Variants in ST7 observed in about 807,000 individuals in gnomAD.
The protein encoded by ST7 is suppression of tumorigenicity 7.
Under a neutral mutation model 78.7 loss-of-function variants are expected in ST7, and 28 were observed. The ratio of observed to expected loss-of-function variants is 0.36; its 90% CI spans 0.26 to 0.49. The LOEUF is 0.49. Ranked by LOEUF, ST7 falls within the 20% of genes least tolerant of loss-of-function variation. The pLI is 0.99. For missense variants in ST7, 418 were observed against 696.0 expected, an observed-to-expected ratio of 0.60 and a Z score of 4.49; for synonymous variants, 247 against 249.6, an observed-to-expected ratio of 0.99 and a Z score of 0.10.
chr7:117,029,890 G>A (rs1354686753), intron 1 of ST7, among the ~76,000 whole-genome samples: 1 of 151,906 alleles, frequency 6.6e-6, no homozygotes, highest in Non-Finnish European at 1.5e-5. Flanking sequence ...TTATTCTAGG[G>A]ATCTGTATAT....
chr7:117,213,942 C>T (rs1044486423), intron 13 of ST7, among the ~76,000 whole-genome samples: 2 of 152,150 alleles, frequency 1.3e-5, no homozygotes, highest in African/African-American at 2.4e-5. Context: ...CGAAGGGTCT[C>T]GTTTGAACTG....
chr7:117,083,703 T>C (rs1799946154), intron 1 of ST7, among the ~76,000 whole-genome samples: 1 of 152,234 alleles, frequency 6.6e-6, no homozygotes, highest in Non-Finnish European at 1.5e-5. Context: ...TATATGATTA[T>C]ATAGCATGAC....
intron 9 of ST7, among the ~76,000 whole-genome samples, chr7:117,152,859 T>G (rs570961257): frequency 7.9e-4 from 120 of 152,296 alleles, no homozygotes; most frequent in African/African-American, 2.7e-3. Flanking sequence ...TGCTTCAGAG[T>G]ACAACACATG....
intron 1 of ST7, among the ~76,000 whole-genome samples, chr7:117,019,018 T>TAATG (rs1399192513): frequency 6.6e-6 from 1 of 152,212 alleles, no homozygotes; most frequent in East Asian, 1.9e-4. Flanking sequence ...GAAAAAGTAC[T>TAATG]AATGATATTT....
At chr7:117,033,440 T>G (rs1178157353) in intron 1 of ST7, among the ~76,000 whole-genome samples, 2 of 152,044 alleles carry the variant, frequency 1.3e-5, no homozygotes, top group Admixed American at 6.5e-5. Flanking sequence ...TTTTTCTTTT[T>G]GGAGACAGAG....
rs575479960 is a variant in ST7, at chr7:117,048,444, T to C, written c.152-51318T>C. Among the ~76,000 whole-genome samples the C allele has an allele frequency of 3.3e-5, 5 of 152,362 alleles. No individual in the cohort carries two copies. In the South Asian group the frequency reaches 1.0e-3, roughly 32 times the overall value. On this transcript the variant is annotated intron_variant, in intron 1 of 15. Coordinates refer to ENST00000323984, the MANE Select transcript of ST7 (RefSeq NM_001369598.1). ...TCTGGTAGATTATCTAATGTCAGTT[T>C]GTTTTCTGGCATTTTTATGTCTTCT...
chr7:117,097,908 A>ATATATTTTTT lies in ST7; in HGVS notation c.152-1853_152-1852insATATTTTTTT. Among the ~76,000 whole-genome samples, 74 of 30,006 alleles carry ATATATTTTTT rather than the reference A, an allele frequency of 2.5e-3. 1 individual carries two copies. The highest frequency in any genetic ancestry group is 0.011 in the African/African-American group (71 of 6,260). 19.7% of individuals were successfully genotyped at this position (30,006 alleles called of 152,430 possible). On this transcript the variant is annotated intron_variant, in intron 1 of 15. Transcript: ENST00000323984. ...TATATATATATATATATATATATAT[A>ATATATTTTTT]TTTTTTTTTTTTTTTTTTTTGATGG... is the stretch of plus-strand genomic sequence containing the variant.
At position 117,170,847 on chromosome 7, in the gene ST7, T is replaced by C; in HGVS notation, c.964-15T>C. On this transcript the variant is annotated splice_polypyrimidine_tract_variant and intron_variant, in intron 9 of 15. Transcript: ENST00000323984. ...ACATAATATACTAATTATTCCTTGG[T>C]TTCTTCTGCCCTAGTTAATGAAGGA... The C allele has an allele frequency of 7.0e-7, 1 of 1,434,628 alleles. No homozygotes were observed. Among genetic ancestry groups the C allele is most frequent in the Non-Finnish European group, 9.6e-7 (1 of 1,046,250 alleles). The allele number at this position is 1,434,628 out of a possible 1,614,324, so 88.9% of individuals were successfully genotyped here.
At chr7:117,220,674 C>G (rs888432318) in intron 14 of ST7, among the ~76,000 whole-genome samples, 4 of 152,150 alleles carry the variant, frequency 2.6e-5, no homozygotes, top group African/African-American at 7.2e-5. Context: ...CCTCCAAAAT[C>G]TTTTTTGGTT....
intron 1 of ST7, among the ~76,000 whole-genome samples, chr7:117,079,099 A>G (rs1179771327): frequency 6.6e-6 from 1 of 152,214 alleles, no homozygotes; most frequent in Non-Finnish European, 1.5e-5. Context: ...AAAAAAATGC[A>G]TGGTTGCGTC....
chr7:117,154,470 T>G (rs1223343327), intron 9 of ST7, among the ~76,000 whole-genome samples: 2 of 152,184 alleles, frequency 1.3e-5, no homozygotes, highest in Non-Finnish European at 2.9e-5. Context: ...TGGATCTGGA[T>G]GCAGGTGGGG....
At chr7:117,059,904 T>C (rs1798262909) in intron 1 of ST7, among the ~76,000 whole-genome samples, 1 of 151,362 alleles carries the variant, frequency 6.6e-6, no homozygotes, top group Non-Finnish European at 1.5e-5. Flanking sequence ...GATCGCTTGA[T>C]CTCAGGAGGT....
intron 15 of ST7, chr7:117,222,982 C>T: frequency 6.3e-7 from 1 of 1,585,664 alleles, no homozygotes; most frequent in East Asian, 2.2e-5. Context: ...CAAAACTGAA[C>T]TCATCACCCC....
chr7:117,061,123 A>G (rs1326506712), intron 1 of ST7, among the ~76,000 whole-genome samples: 1 of 152,240 alleles, frequency 6.6e-6, no homozygotes, highest in African/African-American at 2.4e-5. Context: ...AAAGACAATT[A>G]AAAGGAGTTT....
At chr7:117,025,970 G>T (rs1310740303) in intron 1 of ST7, among the ~76,000 whole-genome samples, 1 of 151,924 alleles carries the variant, frequency 6.6e-6, no homozygotes, top group Non-Finnish European at 1.5e-5. Flanking sequence ...TTCAGTATTG[G>T]TCTATTTGTT....
chr7:117,095,744 A>T (rs1339522030), intron 1 of ST7, among the ~76,000 whole-genome samples: 1 of 152,184 alleles, frequency 6.6e-6, no homozygotes, highest in South Asian at 2.1e-4. Context: ...CCTAACAAGT[A>T]TGGAGGTGAC....
At chr7:116,996,481 A>G (rs1299577484) in intron 1 of ST7, among the ~76,000 whole-genome samples, 1 of 152,214 alleles carries the variant, frequency 6.6e-6, no homozygotes, top group African/African-American at 2.4e-5. Context: ...GCCAATTCTT[A>G]TAGATGCTGA....
intron 10 of ST7, among the ~76,000 whole-genome samples, chr7:117,179,405 G>A (rs780275101): frequency 6.6e-6 from 1 of 152,168 alleles, no homozygotes; most frequent in Non-Finnish European, 1.5e-5. Flanking sequence ...CACCATGTAC[G>A]CAGGACAGGG....
chr7:117,148,494 T>A (rs1782604937), intron 9 of ST7, among the ~76,000 whole-genome samples: 2 of 152,184 alleles, frequency 1.3e-5, no homozygotes, highest in African/African-American at 4.8e-5. Context: ...CCATTCGTGT[T>A]TATAGAGAGT....
Sources: allele counts gnomAD v4.1 joint callset (sites outside exome capture counted in the v4.1 genomes callset), GRCh38; gene constraint gnomAD v4.1.1; transcripts MANE v1.5; gene names NCBI Gene and HGNC (gene_info 2026-07-23, HGNC 2026-07-21).